The following RARB variants were observed in gnomAD, a reference collection of about 807,000 sequenced individuals.
RARB encodes the protein retinoic acid receptor beta.
Under a neutral mutation model 51.9 loss-of-function variants are expected in RARB, and 17 were observed. That is an observed-to-expected ratio of 0.33 (90% CI 0.22 to 0.49). The LOEUF is 0.49. Ranked by LOEUF, RARB falls within the 20% of genes least tolerant of loss-of-function variation. The pLI is 0.99. For missense variants in RARB, 369 were observed against 550.8 expected, an observed-to-expected ratio of 0.67 and a Z score of 3.30; for synonymous variants, 215 against 195.4, an observed-to-expected ratio of 1.10 and a Z score of -0.84.
chr3:25,227,913 T>A (rs1338966871), intron 5 of RARB, among the ~76,000 whole-genome samples: 2 of 152,118 alleles, frequency 1.3e-5, no homozygotes, highest in Non-Finnish European at 2.9e-5. Flanking sequence ...ACTGAACCCG[T>A]GTCTGGGTAT....
intron 2 of RARB, among the ~76,000 whole-genome samples, chr3:24,993,266 C>G (rs1020963343): frequency 6.6e-6 from 1 of 151,904 alleles, no homozygotes; most frequent in African/African-American, 2.4e-5. Context: ...TAAATTATTC[C>G]TGATTTAATT....
At chr3:25,424,282 C>T (rs934624929), upstream of RARB, among the ~76,000 whole-genome samples, 3 of 152,220 alleles carry the variant, frequency 2.0e-5, no homozygotes, top group Non-Finnish European at 4.4e-5. Flanking sequence ...GATCCACGAA[C>T]ATCAACAGTC....
intron 2 of RARB, among the ~76,000 whole-genome samples, chr3:24,910,497 G>A (rs946902940): frequency 6.6e-6 from 1 of 152,126 alleles, no homozygotes; most frequent in African/African-American, 2.4e-5. Flanking sequence ...TGAATAATCT[G>A]TGTTTACAAA....
At chr3:25,232,861 A>C (rs1325820049) in intron 5 of RARB, among the ~76,000 whole-genome samples, 1 of 151,984 alleles carries the variant, frequency 6.6e-6, no homozygotes, top group Non-Finnish European at 1.5e-5. Context: ...TTTATGTTAG[A>C]TGATTGTGTC....
intron 5 of RARB, among the ~76,000 whole-genome samples, chr3:25,254,772 TAAA>T (rs1702820409): frequency 6.6e-6 from 1 of 152,048 alleles, no homozygotes; most frequent in African/African-American, 2.4e-5. Flanking sequence ...TGAAATAGGA[TAAA>T]GAAGAAGACA....
intron 4 of RARB, among the ~76,000 whole-genome samples, chr3:25,149,368 T>A (rs1244079686): frequency 6.6e-6 from 1 of 152,238 alleles, no homozygotes; most frequent in Non-Finnish European, 1.5e-5. Context: ...TTTATGTAAA[T>A]GTACAACCTG....
chr3:24,871,097 T>C (rs1188751563), intron 2 of RARB, among the ~76,000 whole-genome samples: 13 of 152,136 alleles, frequency 8.5e-5, no homozygotes, highest in Admixed American at 7.9e-4. Context: ...GGTTTAATTA[T>C]TAGTACACTT....
At chr3:25,478,551 C>T (rs1308484514) in intron 2 of RARB, among the ~76,000 whole-genome samples, 3 of 152,216 alleles carry the variant, frequency 2.0e-5, no homozygotes, top group Non-Finnish European at 4.4e-5. Flanking sequence ...GGGACACACT[C>T]ACTCAGTTAA....
chr3:25,268,734 C>T (rs535183284), intron 5 of RARB, among the ~76,000 whole-genome samples: 1 of 152,298 alleles, frequency 6.6e-6, no homozygotes, highest in African/African-American at 2.4e-5. Context: ...TTCTCTCAAA[C>T]ATTGTCTCAT....
chr3:25,073,158 T>A (rs1002420115), intron 3 of RARB, among the ~76,000 whole-genome samples: 5 of 152,186 alleles, frequency 3.3e-5, no homozygotes, highest in African/African-American at 1.2e-4. Flanking sequence ...TGTGTGCGTC[T>A]ACAATAATTT....
chr3:25,296,850 A>C (rs1203295610), intron 5 of RARB, among the ~76,000 whole-genome samples: 5 of 152,200 alleles, frequency 3.3e-5, no homozygotes, highest in Non-Finnish European at 7.3e-5. Flanking sequence ...TCTCACTTGC[A>C]TGCTATCCTA....
At chr3:25,530,840 C>A (rs577868623) in intron 3 of RARB, among the ~76,000 whole-genome samples, 1 of 152,118 alleles carries the variant, frequency 6.6e-6, no homozygotes, top group Non-Finnish European at 1.5e-5. Context: ...CTACTGCCTA[C>A]GGTGAAGAAC....
At chr3:25,416,532 G>A (rs1707708962) in intron 5 of RARB, among the ~76,000 whole-genome samples, 1 of 152,188 alleles carries the variant, frequency 6.6e-6, no homozygotes, top group African/African-American at 2.4e-5. Context: ...GATTGGTACT[G>A]AATGCTTACA....
intron 3 of RARB, among the ~76,000 whole-genome samples, chr3:25,093,085 C>T (rs1230264715): frequency 6.6e-6 from 1 of 152,156 alleles, no homozygotes; most frequent in African/African-American, 2.4e-5. Flanking sequence ...TCATCTCATG[C>T]TCTGGTACAG....
chr3:25,019,983 CTGG>C (rs1487297571), intron 2 of RARB, among the ~76,000 whole-genome samples: 5 of 152,072 alleles, frequency 3.3e-5, no homozygotes, highest in Non-Finnish European at 7.4e-5. Flanking sequence ...ATTTATCTCA[CTGG>C]TGACCTCTTC....
At chr3:24,925,656 A>AT (rs1695305775) in intron 2 of RARB, among the ~76,000 whole-genome samples, 1 of 51,956 alleles carries the variant, frequency 1.9e-5, no homozygotes. Flanking sequence ...TTTTTTTTTT[A>AT]AAAAAAAAAA....
At chr3:25,030,099 CAAGTAGATTGTATTGCTAGTCAATACCT>C (rs1273663121) in intron 2 of RARB, among the ~76,000 whole-genome samples, 1 of 152,138 alleles carries the variant, frequency 6.6e-6, no homozygotes, top group Non-Finnish European at 1.5e-5. Flanking sequence ...GCAGGGTGAT[CAAGTAGATTGTATTGCTAGTCAATACCT>C]TTTCTATTAT....
chr3:25,524,560 C>A (rs1698551720), intron 3 of RARB, among the ~76,000 whole-genome samples: 1 of 151,836 alleles, frequency 6.6e-6, no homozygotes, highest in African/African-American at 2.4e-5. Context: ...GGACTGAAAC[C>A]AGACTGACAA....
At chr3:25,012,074 T>C (rs1047798536) in intron 2 of RARB, among the ~76,000 whole-genome samples, 9 of 152,208 alleles carry the variant, frequency 5.9e-5, no homozygotes, top group African/African-American at 2.2e-4. Context: ...TCAATCTCAG[T>C]GGGGAAAATA....
Sources: gnomAD v4.1 joint callset for allele counts (sites outside exome capture counted in the v4.1 genomes callset) on GRCh38, gnomAD v4.1.1 for gene constraint, MANE v1.5 for transcripts, NCBI Gene and HGNC (gene_info 2026-07-23, HGNC 2026-07-21) for gene names.